DAAM2: variants seen among roughly 807,000 people sequenced by gnomAD.
The protein encoded by DAAM2 is disheveled-associated activator of morphogenesis 2.
Under a neutral mutation model 120.7 loss-of-function variants are expected in DAAM2, and 39 were observed. The ratio of observed to expected loss-of-function variants is 0.32; its 90% CI spans 0.25 to 0.42. DAAM2 has a LOEUF of 0.42. Ranked by LOEUF, DAAM2 falls within the 10% of genes least tolerant of loss-of-function variation. The pLI is 1.00. For missense variants in DAAM2, 1,283 were observed against 1,401.7 expected (o/e 0.92, Z 1.35); for synonymous variants, 488 against 524.9 (o/e 0.93, Z 0.96).
chr6:39,823,519 C>T (rs191098082), intron 1 of DAAM2, among the ~76,000 whole-genome samples: 16 of 152,168 alleles, frequency 1.1e-4, no homozygotes, highest in Non-Finnish European at 1.9e-4. Flanking sequence ...AAACTTGCTC[C>T]TTTCTGGGCC....
At chr6:39,875,546 C>T (rs2149323411) in intron 11 of DAAM2, 78 bp downstream of exon 11, 1 of 1,526,364 alleles carries the variant, frequency 6.6e-7, no homozygotes, top group Non-Finnish European at 8.9e-7. Context: ...CCAGCGAAAC[C>T]TCAGCTCCCT....
rs1208123471 is a variant in DAAM2 at position 39,886,295 on chromosome 6, C to A, written c.1954-1191C>A. On this transcript the variant is annotated intron_variant, in intron 15 of 24. Coordinates refer to ENST00000274867, the MANE Select transcript of DAAM2 (RefSeq NM_001201427.2). ...TGCCTGTCTACAACCATGGGTCTCA[C>A]TGGGATGAAGTGGACAGTGTAGATG... The A allele has an allele frequency of 1.3e-5, 5 of 397,844 alleles. No homozygotes were observed. In the East Asian group the frequency reaches 1.8e-4, roughly 14 times the overall value. 24.6% of individuals were successfully genotyped at this position (397,844 alleles called of 1,614,324 possible). A position where few individuals can be genotyped will look rare whatever the true frequency, so the allele number is the denominator to read the frequency against.
At chr6:39,802,594 A>C (rs1040885687) in intron 1 of DAAM2, among the ~76,000 whole-genome samples, 1 of 152,202 alleles carries the variant, frequency 6.6e-6, no homozygotes, top group South Asian at 2.1e-4. Context: ...TTTCCCCAGC[A>C]TCCTGCATAG....
intron 1 of DAAM2, among the ~76,000 whole-genome samples, chr6:39,807,292 G>A (rs1238449911): frequency 6.6e-6 from 1 of 151,782 alleles, no homozygotes; most frequent in Non-Finnish European, 1.5e-5. Context: ...AGTTGCAGAA[G>A]GATGCCATTG....
intron 1 of DAAM2, among the ~76,000 whole-genome samples, chr6:39,854,345 A>G (rs1470271603): frequency 6.6e-6 from 1 of 152,202 alleles, no homozygotes; most frequent in Non-Finnish European, 1.5e-5. Context: ...TTGGCTATAG[A>G]AATGGGGATG....
chr6:39,815,169 G>C (rs991333018), intron 1 of DAAM2, among the ~76,000 whole-genome samples: 3 of 152,240 alleles, frequency 2.0e-5, no homozygotes, highest in Non-Finnish European at 4.4e-5. Context: ...AGCTCACGTG[G>C]TGATCCTGGT....
intron 11 of DAAM2, among the ~76,000 whole-genome samples, chr6:39,877,321 T>C (rs958102969): frequency 1.3e-5 from 2 of 152,162 alleles, no homozygotes; most frequent in Non-Finnish European, 2.9e-5. Context: ...CTCCCAGGGC[T>C]TTGCTTGGTT....
chr6:39,891,102 A>G (rs1051077428), intron 17 of DAAM2, among the ~76,000 whole-genome samples: 11 of 151,574 alleles, frequency 7.3e-5, no homozygotes, highest in Admixed American at 4.6e-4. Context: ...AAAAAAAAAA[A>G]AAAGAAAGAA....
rs1481538909 is a variant in DAAM2, at chr6:39,886,751, G to C, written c.1954-735G>C. ...TTTCCTGTAAGGACACACAGGGTAG[G>C]CACGACACAATTCACAAAGATAACC... On this transcript the variant is annotated intron_variant, in intron 15 of 24. Transcript: ENST00000274867. The C allele has an allele frequency of 9.4e-6, 3 of 319,196 alleles. No homozygotes were observed. In the South Asian group the frequency reaches 4.8e-4, roughly 51 times the overall value. 19.8% of individuals were successfully genotyped at this position (319,196 alleles called of 1,614,324 possible).
intron 1 of DAAM2, among the ~76,000 whole-genome samples, chr6:39,841,530 G>A (rs1301442143): frequency 6.6e-6 from 1 of 152,060 alleles, no homozygotes; most frequent in Non-Finnish European, 1.5e-5. Flanking sequence ...CTCAGGGCAG[G>A]TGGATCAGAT....
intron 1 of DAAM2, among the ~76,000 whole-genome samples, chr6:39,804,829 A>G (rs1384647681): frequency 2.0e-5 from 3 of 152,160 alleles, no homozygotes; most frequent in Non-Finnish European, 4.4e-5. Flanking sequence ...GTGCTGTGTA[A>G]GTCTTATTTG....
intron 1 of DAAM2, among the ~76,000 whole-genome samples, chr6:39,803,134 G>A (rs1238982645): frequency 6.6e-6 from 1 of 152,178 alleles, no homozygotes; most frequent in Non-Finnish European, 1.5e-5. Flanking sequence ...GTTGTGAGTA[G>A]CCTTGCTGTG....
Position 39,878,715 on chromosome 6 carries a change from G to A in DAAM2, c.1545+127G>A, listed in dbSNP as rs989723915. On this transcript the variant is annotated intron_variant, in intron 13 of 24. Coordinates refer to ENST00000274867, the MANE Select transcript of DAAM2 (RefSeq NM_001201427.2). The surrounding 1 kb of genome is among the most constrained non-coding windows in gnomAD (Gnocchi z 5.0). The stretch of plus-strand genomic sequence containing the variant: ...GGGAGAAGGGAGATGGAGACCTTGG[G>A]CCAGGATAGAAGAGACCCTTGAGGC... 3.0e-6 allele frequency: 3 copies of A among 990,882 alleles called. No homozygotes were observed. The African/African-American group carries it at 4.9e-5, about 16-fold the overall frequency. The allele number at this position is 990,882 out of a possible 1,614,324, so 61.4% of individuals were successfully genotyped here. A position where few individuals can be genotyped will look rare whatever the true frequency, so the allele number is the denominator to read the frequency against.
intron 1 of DAAM2, among the ~76,000 whole-genome samples, chr6:39,833,600 G>A (rs891561457): frequency 1.3e-5 from 2 of 152,090 alleles, no homozygotes; most frequent in African/African-American, 2.4e-5. Flanking sequence ...GAGCTACCAC[G>A]CACAGCCTAT....
intron 1 of DAAM2, among the ~76,000 whole-genome samples, chr6:39,835,926 C>T (rs1763084858): frequency 6.6e-6 from 1 of 151,834 alleles, no homozygotes; most frequent in African/African-American, 2.4e-5. Context: ...TCCTTTCCTC[C>T]AGAACTTGGA....
chr6:39,852,622 G>T (rs1169430434), intron 1 of DAAM2, among the ~76,000 whole-genome samples: 1 of 152,210 alleles, frequency 6.6e-6, no homozygotes, highest in Non-Finnish European at 1.5e-5. Context: ...GTCGCCCAGT[G>T]TGCTCCAAGC....
intron 1 of DAAM2, among the ~76,000 whole-genome samples, chr6:39,828,853 G>C (rs1762776170): frequency 6.6e-6 from 1 of 152,138 alleles, no homozygotes; most frequent in Admixed American, 6.5e-5. Flanking sequence ...CATTCATGAA[G>C]GTAGAGCCAT....
At chr6:39,887,786 G>C (rs1039653715) in intron 16 of DAAM2, 194 bp downstream of exon 16, 33 of 540,756 alleles carry the variant, frequency 6.1e-5, no homozygotes, top group Non-Finnish European at 1.0e-5. Context: ...GCCCAGTCAC[G>C]AGGCCCTTGC....
intron 15 of DAAM2, chr6:39,886,214 C>T (rs941658606): frequency 2.8e-5 from 11 of 392,300 alleles, no homozygotes; most frequent in African/African-American, 4.1e-5. Flanking sequence ...CTTCGTTTGG[C>T]TTCTCCGTGA....
Sources: allele counts gnomAD v4.1 joint callset (sites outside exome capture counted in the v4.1 genomes callset), GRCh38; gene constraint gnomAD v4.1.1; non-coding constraint Gnocchi (gnomAD v3.1); transcripts MANE v1.5; gene names NCBI Gene and HGNC (gene_info 2026-07-23, HGNC 2026-07-21).